ROBO2: variants seen among roughly 807,000 people sequenced by gnomAD.
The protein encoded by ROBO2 is roundabout homolog 2.
ROBO2 carries 53 observed loss-of-function variants against 160.8 expected under a neutral mutation model. The ratio of observed to expected loss-of-function variants is 0.33; its 90% CI spans 0.26 to 0.41. The LOEUF (loss-of-function observed/expected upper bound fraction) is 0.41, where lower values mean the gene tolerates loss of function less well. Ranked by LOEUF, ROBO2 falls within the 10% of genes least tolerant of loss-of-function variation. The probability of loss-of-function intolerance (pLI) is 1.00; values close to 1 mark genes in which losing one functional copy is unlikely to be tolerated. For synonymous variants in ROBO2, 664 were observed against 611.7 expected (o/e 1.09, Z -1.26); for missense variants, 1,577 against 1,722.4 (o/e 0.92, Z 1.49).
At chr3:76,698,512 T>TA (rs1198384746) in intron 2 of ROBO2, among the ~76,000 whole-genome samples, 1 of 152,146 alleles carries the variant, frequency 6.6e-6, no homozygotes, top group Admixed American at 6.6e-5. Flanking sequence ...TGGAAAGAGA[T>TA]ATGCACGTTC....
At chr3:76,912,484 G>T (rs2076052073) in intron 2 of ROBO2, among the ~76,000 whole-genome samples, 1 of 152,124 alleles carries the variant, frequency 6.6e-6, no homozygotes, top group Admixed American at 6.5e-5. Flanking sequence ...AGGCTAAAAT[G>T]TCATTTGGTA....
chr3:76,835,156 ATG>A (rs2067571522), intron 2 of ROBO2, among the ~76,000 whole-genome samples: 1 of 151,886 alleles, frequency 6.6e-6, no homozygotes, highest in African/African-American at 2.4e-5. Context: ...TGTTCATATA[ATG>A]TGTCTCTTCT....
chr3:76,252,136 A>G (rs1706043226), intron 2 of ROBO2, among the ~76,000 whole-genome samples: 1 of 152,026 alleles, frequency 6.6e-6, no homozygotes, highest in Non-Finnish European at 1.5e-5. Flanking sequence ...CTATATTTTA[A>G]TACCAAATTT....
intron 8 of ROBO2, among the ~76,000 whole-genome samples, chr3:77,553,943 G>T (rs2093018158): frequency 6.6e-6 from 1 of 151,912 alleles, no homozygotes; most frequent in South Asian, 2.1e-4. Context: ...ATACTAAACA[G>T]ATTTTCAATG....
intron 2 of ROBO2, among the ~76,000 whole-genome samples, chr3:76,812,489 C>G (rs572612966): frequency 7.3e-5 from 11 of 151,328 alleles, no homozygotes; most frequent in African/African-American, 2.7e-4. Context: ...ACAGAAGTTT[C>G]TGCCTTAATT....
At chr3:77,295,264 A>AT (rs2061925258) in intron 2 of ROBO2, among the ~76,000 whole-genome samples, 1 of 148,494 alleles carries the variant, frequency 6.7e-6, no homozygotes, top group Non-Finnish European at 1.5e-5. Flanking sequence ...TGACGATTAA[A>AT]CGGTAAGCTG....
At chr3:76,418,804 A>T (rs2108903004) in intron 2 of ROBO2, among the ~76,000 whole-genome samples, 1 of 152,156 alleles carries the variant, frequency 6.6e-6, no homozygotes, top group African/African-American at 2.4e-5. Context: ...CAAAGACCTT[A>T]TAATCAGTTC....
intron 2 of ROBO2, among the ~76,000 whole-genome samples, chr3:77,210,524 G>T (rs969705908): frequency 2.6e-5 from 4 of 151,928 alleles, no homozygotes; most frequent in Non-Finnish European, 5.9e-5. Flanking sequence ...ACCATATATT[G>T]CTCGGTAAAG....
chr3:76,903,115 A>G (rs967671598), intron 2 of ROBO2, among the ~76,000 whole-genome samples: 1 of 152,084 alleles, frequency 6.6e-6, no homozygotes, highest in African/African-American at 2.4e-5. Context: ...ATTGATTAAT[A>G]TAATACCTTA....
intron 2 of ROBO2, among the ~76,000 whole-genome samples, chr3:77,463,126 A>C (rs1234416818): frequency 6.6e-6 from 1 of 152,172 alleles, no homozygotes; most frequent in Non-Finnish European, 1.5e-5. Flanking sequence ...AGTGTGCTAT[A>C]TAGAGACTGG....
chr3:76,727,632 T>A (rs2093573296), intron 2 of ROBO2, among the ~76,000 whole-genome samples: 1 of 152,120 alleles, frequency 6.6e-6, no homozygotes. Flanking sequence ...ATATGTGGAA[T>A]AAGTTGGGCA....
At chr3:77,355,945 A>G (rs2153462646) in intron 2 of ROBO2, among the ~76,000 whole-genome samples, 1 of 152,050 alleles carries the variant, frequency 6.6e-6, no homozygotes, top group African/African-American at 2.4e-5. Flanking sequence ...AAATGGGTAA[A>G]GTGGAGAAGA....
chr3:76,184,334 C>T (rs182288685), intron 2 of ROBO2, among the ~76,000 whole-genome samples: 3 of 152,090 alleles, frequency 2.0e-5, no homozygotes, highest in Admixed American at 6.6e-5. Context: ...GCCAACGATC[C>T]GGTTCAAAAA....
chr3:77,545,429 A>G (rs2092660982), intron 6 of ROBO2, among the ~76,000 whole-genome samples: 1 of 152,082 alleles, frequency 6.6e-6, no homozygotes, highest in South Asian at 2.1e-4. Flanking sequence ...AGGTTTTACA[A>G]CACCAAGGGA....
chr3:76,283,134 C>CTATATATATATATATATATATATA (rs1708322176), intron 2 of ROBO2, among the ~76,000 whole-genome samples: 5 of 7,178 alleles, frequency 7.0e-4, no homozygotes, highest in Non-Finnish European at 3.0e-3. Flanking sequence ...ATATATAAAA[C>CTATATATATATATATATATATATA]TGTATATATA....
chr3:76,672,136 C>T (rs1204330599), intron 2 of ROBO2, among the ~76,000 whole-genome samples: 1 of 152,008 alleles, frequency 6.6e-6, no homozygotes, highest in Non-Finnish European at 1.5e-5. Context: ...TTAGTGAGGG[C>T]CAGCCAGCTT....
intron 9 of ROBO2, among the ~76,000 whole-genome samples, chr3:77,561,518 C>T (rs1481486712): frequency 6.6e-6 from 1 of 152,080 alleles, no homozygotes; most frequent in Non-Finnish European, 1.5e-5. Context: ...CTGCTTCTTG[C>T]ATTTGTAAAA....
rs113536596 is a variant in ROBO2 at position 76,161,494 on chromosome 3, G to A, written c.109+223892G>A. ...TGAGCTAAAATATTGAGAATTTCAG[G>A]TTAATGTCACCAATGTCTCCAAACC... On this transcript the variant is annotated intron_variant, in intron 2 of 26. Coordinates refer to the ROBO2 transcript ENST00000487694. Among the ~76,000 whole-genome samples the A allele has an allele frequency of 7.6e-3, 1,158 of 152,226 alleles. 3 individuals carry two copies. The highest frequency in any genetic ancestry group is 0.013 in the Non-Finnish European group (863 of 68,006).
chr3:77,289,922 A>C (rs2060973113), intron 2 of ROBO2, among the ~76,000 whole-genome samples: 1 of 152,146 alleles, frequency 6.6e-6, no homozygotes, highest in South Asian at 2.1e-4. Context: ...ATAAAGTAAA[A>C]TTGATGGTTA....
Sources: gnomAD v4.1 joint callset for allele counts (sites outside exome capture counted in the v4.1 genomes callset) on GRCh38, gnomAD v4.1.1 for gene constraint, MANE v1.5 for transcripts, NCBI Gene and HGNC (gene_info 2026-07-23, HGNC 2026-07-21) for gene names.